PCED1B: variants seen among roughly 807,000 people sequenced by gnomAD.
The protein encoded by PCED1B is PC-esterase domain-containing protein 1B.
For synonymous variants in PCED1B, 251 were observed against 246.1 expected (o/e 1.02, Z -0.19); for missense variants, 573 against 573.9 (o/e 1.00, Z 0.02).
intron 2 of PCED1B, among the ~76,000 whole-genome samples, chr12:47,146,321 G>A (rs1002518656): frequency 1.3e-5 from 2 of 152,176 alleles, no homozygotes; most frequent in African/African-American, 4.8e-5. Flanking sequence ...TGCTGTGAAC[G>A]TTGTTGAAAT....
chr12:47,086,731 C>T (rs1161227510), intron 1 of PCED1B, among the ~76,000 whole-genome samples: 1 of 152,100 alleles, frequency 6.6e-6, no homozygotes, highest in Non-Finnish European at 1.5e-5. Flanking sequence ...CTGAAGAGGT[C>T]ATCTGATTGA....
Position 47,235,983 on chromosome 12 carries a change from C to T in PCED1B, c.920C>T (p.Pro307Leu), listed in dbSNP as rs776617445. 6.2e-7 allele frequency: 1 copy of T among 1,612,752 alleles called. No homozygotes were observed. Among genetic ancestry groups the T allele is most frequent in the Non-Finnish European group, 8.5e-7 (1 of 1,179,366 alleles). Residue 307 changes from proline (P) to leucine (L), a missense_variant, in exon 4 of 4, where the codon CCC (proline) becomes CTC (leucine). Physicochemically the swap from Pro to Leu is moderately conservative, Grantham distance 98. Coordinates refer to ENST00000546455, the MANE Select transcript of PCED1B (RefSeq NM_138371.3). ...TACCGCCCCCTGCTTGGGTTCCCAC[C>T]CCAGCGCTTGCCGCTGCTCCCGCTC... ...PTYRPLLGFP[P>L]QRLPLLPLLS...
intron 1 of PCED1B, among the ~76,000 whole-genome samples, chr12:47,086,207 C>A (rs1159598537): frequency 6.6e-6 from 1 of 152,024 alleles, no homozygotes; most frequent in African/African-American, 2.4e-5. Context: ...AGCTATGAGT[C>A]CTCCCCGATG....
chr12:47,211,335 A>C (rs1943071019), intron 2 of PCED1B, among the ~76,000 whole-genome samples: 1 of 152,144 alleles, frequency 6.6e-6, no homozygotes, highest in African/African-American at 2.4e-5. Context: ...AAAAATATTA[A>C]GCTGTTTCTA....
chr12:47,167,744 A>G (rs190669548), intron 2 of PCED1B, among the ~76,000 whole-genome samples: 97 of 152,342 alleles, frequency 6.4e-4, no homozygotes, highest in Admixed American at 1.6e-3. Context: ...TTGAGTTGGT[A>G]TTCTGTTATA....
chr12:47,235,694 G>A lies in PCED1B; in HGVS notation c.631G>A (p.Val211Ile). The part of the protein sequence containing the change: ...ATEARKHNFD[V>I]LDLHFHFRHA... ...CGAGGCACGTAAACATAACTTCGATGTACTGGACTTGCATTTCCACTTCCG... is the reference window on the plus strand; with the variant it reads ...CGAGGCACGTAAACATAACTTCGATATACTGGACTTGCATTTCCACTTCCG... Residue 211 changes from valine to isoleucine, a missense_variant, in exon 4 of 4, where the codon GTA becomes ATA. Transcript: ENST00000546455. 3.1e-6 allele frequency: 5 copies of A among 1,613,160 alleles called. No homozygotes were observed. Among genetic ancestry groups the A allele is most frequent in the East Asian group, 2.2e-5 (1 of 44,852 alleles).
intron 2 of PCED1B, among the ~76,000 whole-genome samples, chr12:47,170,485 C>G (rs1284215040): frequency 1.4e-5 from 2 of 145,040 alleles, no homozygotes; most frequent in East Asian, 2.0e-4. Flanking sequence ...AGGCGCCCCC[C>G]ACCTCCCGGA....
intron 2 of PCED1B, among the ~76,000 whole-genome samples, chr12:47,128,194 T>C (rs1939974163): frequency 6.6e-6 from 1 of 152,232 alleles, no homozygotes; most frequent in South Asian, 2.1e-4. Context: ...ATGAGCACTG[T>C]GGTTCAAGGG....
intron 2 of PCED1B, among the ~76,000 whole-genome samples, chr12:47,145,335 G>A (rs1416265107): frequency 6.6e-6 from 1 of 152,198 alleles, no homozygotes; most frequent in African/African-American, 2.4e-5. Flanking sequence ...TTACATAAAA[G>A]TGCAAGGTGA....
At chr12:47,135,842 A>G (rs552884739) in intron 2 of PCED1B, 6 of 464,392 alleles carry the variant, frequency 1.3e-5, no homozygotes, top group Non-Finnish European at 2.6e-5. Flanking sequence ...TGAGCATCTC[A>G]TGGTTGGTGG....
At chr12:47,220,021 C>T (rs1461745638) in intron 3 of PCED1B, among the ~76,000 whole-genome samples, 4 of 145,428 alleles carry the variant, frequency 2.8e-5, no homozygotes, top group African/African-American at 1.0e-4. Flanking sequence ...TGCAGTGAGC[C>T]GTGATCATGC....
chr12:47,199,747 G>A lies in PCED1B; in HGVS notation c.-525-16475G>A, dbSNP rs545106912. Among the ~76,000 whole-genome samples the A allele has an allele frequency of 2.0e-5, 3 of 152,264 alleles. No homozygotes were observed. In the East Asian group the frequency reaches 5.8e-4, roughly 29 times the overall value. On this transcript the variant is annotated intron_variant, in intron 2 of 3. Coordinates refer to ENST00000546455, the MANE Select transcript of PCED1B (RefSeq NM_138371.3). ...CTCAAAGTGGATCATAGACTTAAAT[G>A]TAAAATATAAAACTGCAAAACTTCT...
intron 3 of PCED1B, chr12:47,223,937 T>C (rs1259033976): frequency 2.0e-5 from 3 of 152,332 alleles, no homozygotes; most frequent in East Asian, 3.9e-4. Flanking sequence ...AGGAAACTGG[T>C]TCAGAACTGT....
At chr12:47,125,529 G>C (rs1939851043) in intron 2 of PCED1B, among the ~76,000 whole-genome samples, 1 of 151,972 alleles carries the variant, frequency 6.6e-6, no homozygotes, top group Non-Finnish European at 1.5e-5. Flanking sequence ...TGATTAGCTT[G>C]TCGATTTTGA....
intron 2 of PCED1B, among the ~76,000 whole-genome samples, chr12:47,106,005 T>G (rs1938931290): frequency 6.6e-6 from 1 of 152,196 alleles, no homozygotes; most frequent in South Asian, 2.1e-4. Context: ...AATAGAAACT[T>G]AAATCTGGAG....
At chr12:47,196,821 T>C (rs1942616452) in intron 2 of PCED1B, among the ~76,000 whole-genome samples, 1 of 151,874 alleles carries the variant, frequency 6.6e-6, no homozygotes, top group Admixed American at 6.6e-5. Flanking sequence ...CAAGACTCCA[T>C]CTTAAAAATT....
intron 2 of PCED1B, among the ~76,000 whole-genome samples, chr12:47,133,989 C>A (rs750857135): frequency 3.9e-5 from 6 of 152,196 alleles, no homozygotes; most frequent in Non-Finnish European, 7.3e-5. Context: ...TAGAACCCAA[C>A]AATGCTGGCG....
chr12:47,142,539 T>C (rs1042517384), intron 2 of PCED1B, among the ~76,000 whole-genome samples: 8 of 150,386 alleles, frequency 5.3e-5, no homozygotes, highest in African/African-American at 2.0e-4. Context: ...AAAAGCTCAA[T>C]GAGATGCAAG....
At chr12:47,217,869 G>A (rs1003096781) in intron 3 of PCED1B, among the ~76,000 whole-genome samples, 7 of 152,108 alleles carry the variant, frequency 4.6e-5, no homozygotes, top group Admixed American at 1.3e-4. Flanking sequence ...GAGCTACCGC[G>A]CCCTTCTTAG....
Sources: allele counts gnomAD v4.1 joint callset (sites outside exome capture counted in the v4.1 genomes callset), GRCh38; gene constraint gnomAD v4.1.1; transcripts MANE v1.5; gene names NCBI Gene and HGNC (gene_info 2026-07-23, HGNC 2026-07-21).